The following PLCB1 variants were observed in gnomAD, a reference collection of about 807,000 sequenced individuals.
PLCB1 encodes 1-phosphatidylinositol 4,5-bisphosphate phosphodiesterase beta-1.
PLCB1 carries 46 observed loss-of-function variants against 161.8 expected under a neutral mutation model. That is an observed-to-expected ratio of 0.28 (90% confidence interval 0.22 to 0.36). The LOEUF is 0.36. PLCB1 is among the 10% of genes least tolerant of loss of function. The pLI, the probability that PLCB1 is intolerant of heterozygous loss-of-function variation, is 1.00. For missense variants in PLCB1, 1,016 were observed against 1,472.5 expected (o/e 0.69, Z 5.07); for synonymous variants, 517 against 503.7 (o/e 1.03, Z -0.35).
intron 3 of PLCB1, among the ~76,000 whole-genome samples, chr20:8,378,685 C>T (rs1987169767): frequency 6.6e-6 from 1 of 152,188 alleles, no homozygotes; most frequent in African/African-American, 2.4e-5. Context: ...GTTGACTCTT[C>T]ATTGCATGAA....
intron 2 of PLCB1, among the ~76,000 whole-genome samples, chr20:8,354,962 C>A (rs772149393): frequency 6.6e-6 from 1 of 152,062 alleles, no homozygotes; most frequent in African/African-American, 2.4e-5. Flanking sequence ...GCTATAAATT[C>A]ATGGGATTCT....
intron 9 of PLCB1, among the ~76,000 whole-genome samples, chr20:8,670,589 A>T (rs1989918164): frequency 6.6e-6 from 1 of 151,996 alleles, no homozygotes; most frequent in Non-Finnish European, 1.5e-5. Flanking sequence ...AATATATGAC[A>T]CTTTTCAACT....
rs1191779395 is a variant in PLCB1, at chr20:8,796,102, TC to T, written c.3423+5842del. Among the ~76,000 whole-genome samples the T allele has an allele frequency of 2.0e-5, 3 of 152,302 alleles. 1 individual carries two copies. The highest frequency in any genetic ancestry group is 3.9e-4 in the East Asian group (2 of 5,170). On this transcript the variant is annotated intron_variant, in intron 31 of 31. Transcript: ENST00000338037. ...TGATGCTTAATTTGTCTTTGATGCT[TC>T]TTAGAACACAGGTTTTCTGCTTAAT...
At chr20:8,286,912 TA>T (rs2123294510) in intron 2 of PLCB1, among the ~76,000 whole-genome samples, 1 of 152,302 alleles carries the variant, frequency 6.6e-6, no homozygotes. Flanking sequence ...TCTCATACTG[TA>T]GAAATTATCA....
intron 27 of PLCB1, among the ~76,000 whole-genome samples, chr20:8,781,393 C>G (rs886909987): frequency 8.1e-6 from 1 of 123,160 alleles, no homozygotes; most frequent in African/African-American, 3.0e-5. Context: ...GATTCACACA[C>G]ACAAACACAC....
rs528305383 is a variant in PLCB1, at chr20:8,314,667, G to A, written c.178-56715G>A. Among the ~76,000 whole-genome samples, 9 of 152,296 alleles carry A rather than the reference G, an allele frequency of 5.9e-5. No individual in the cohort carries two copies. In the South Asian group the frequency reaches 1.9e-3, roughly 32 times the overall value. On this transcript the variant is annotated intron_variant, in intron 2 of 31. Coordinates refer to ENST00000338037, the MANE Select transcript of PLCB1 (RefSeq NM_015192.4). ...TTTGTCTTGGCCCATAGTAAGCACT[G>A]AATAAAATACTAGCTACTATTTTTT...
At chr20:8,164,388 T>C (rs756574045) in intron 2 of PLCB1, among the ~76,000 whole-genome samples, 9 of 152,298 alleles carry the variant, frequency 5.9e-5, no homozygotes, top group South Asian at 2.1e-4. Context: ...CTGTGCTGTC[T>C]CATACAGTAG....
At chr20:8,579,450 G>C (rs1239025959) in intron 3 of PLCB1, among the ~76,000 whole-genome samples, 1 of 152,208 alleles carries the variant, frequency 6.6e-6, no homozygotes, top group East Asian at 1.9e-4. Context: ...ACAAGCGTAA[G>C]CTAAACAACT....
chr20:8,466,319 T>A (rs1981818589), intron 3 of PLCB1, among the ~76,000 whole-genome samples: 1 of 112,470 alleles, frequency 8.9e-6, no homozygotes, highest in South Asian at 3.2e-4. Context: ...CTCTGGGGAC[T>A]GTTGTGGGGT....
intron 3 of PLCB1, among the ~76,000 whole-genome samples, chr20:8,390,257 G>T (rs1345922096): frequency 1.3e-5 from 2 of 152,100 alleles, no homozygotes; most frequent in Non-Finnish European, 2.9e-5. Flanking sequence ...TTTCTCCTCG[G>T]CTTACAGATG....
intron 2 of PLCB1, among the ~76,000 whole-genome samples, chr20:8,229,889 T>TTAAAAAA (rs1979916802): frequency 6.9e-6 from 1 of 144,432 alleles, no homozygotes. Flanking sequence ...AAAATAAAAA[T>TTAAAAAA]AAAATAAAAA....
At chr20:8,839,331 G>A (rs1986407667) in intron 31 of PLCB1, among the ~76,000 whole-genome samples, 1 of 152,110 alleles carries the variant, frequency 6.6e-6, no homozygotes, top group African/African-American at 2.4e-5. Context: ...AATTTTTGGA[G>A]GCAATATATT....
intron 2 of PLCB1, among the ~76,000 whole-genome samples, chr20:8,288,667 A>T (rs1983239691): frequency 6.6e-6 from 1 of 152,038 alleles, no homozygotes; most frequent in Admixed American, 6.6e-5. Flanking sequence ...TCCTTCAGAG[A>T]ACGGTAGAGG....
At chr20:8,294,792 A>G (rs1983554881) in intron 2 of PLCB1, among the ~76,000 whole-genome samples, 2 of 151,828 alleles carry the variant, frequency 1.3e-5, no homozygotes, top group African/African-American at 4.8e-5. Flanking sequence ...TTAGGGATAT[A>G]CCCTGCCAAA....
At chr20:8,203,022 G>C (rs543445856) in intron 2 of PLCB1, among the ~76,000 whole-genome samples, 10 of 152,194 alleles carry the variant, frequency 6.6e-5, no homozygotes, top group Non-Finnish European at 1.0e-4. Context: ...GTGGCAAGTA[G>C]TGAGTAGTGA....
At chr20:8,530,572 A>G (rs185433467) in intron 3 of PLCB1, among the ~76,000 whole-genome samples, 7 of 152,252 alleles carry the variant, frequency 4.6e-5, no homozygotes, top group Admixed American at 3.9e-4. Flanking sequence ...TGATACCAAT[A>G]CTTCAAAATT....
At position 8,792,084 on chromosome 20, in the gene PLCB1, G is replaced by A. The variant is rs934399725; in HGVS notation, c.3423+1823G>A. 7 of 153,018 alleles carry A rather than the reference G, an allele frequency of 4.6e-5. 1 individual carries two copies. The highest frequency in any genetic ancestry group is 1.7e-4 in the African/African-American group (7 of 41,552). 9.5% of individuals were successfully genotyped at this position (153,018 alleles called of 1,614,324 possible). ...GAATTTCCACTGTTGTTGCCTTCTA[G>A]ATCCAGACCGTGAACTCAGTCATGA... On this transcript the variant is annotated intron_variant, in intron 31 of 31. Transcript: ENST00000338037.
At chr20:8,522,170 A>G (rs1984377053) in intron 3 of PLCB1, among the ~76,000 whole-genome samples, 3 of 152,172 alleles carry the variant, frequency 2.0e-5, no homozygotes, top group African/African-American at 7.2e-5. Context: ...GCCTCACCTC[A>G]AGGCTAGACA....
chr20:8,494,078 A>T (rs970350142), intron 3 of PLCB1, among the ~76,000 whole-genome samples: 1 of 149,372 alleles, frequency 6.7e-6, no homozygotes, highest in Non-Finnish European at 1.5e-5. Flanking sequence ...AGTCTGCATG[A>T]GTGCTGTGTG....
Sources: allele counts gnomAD v4.1 joint callset (sites outside exome capture counted in the v4.1 genomes callset), GRCh38; gene constraint gnomAD v4.1.1; transcripts MANE v1.5; gene names NCBI Gene and HGNC (gene_info 2026-07-23, HGNC 2026-07-21).